Variants in KCNN2 observed in about 807,000 individuals in gnomAD.
KCNN2 encodes small conductance calcium-activated potassium channel protein 2.
A neutral mutation model predicts 55.5 loss-of-function variants in KCNN2; 24 were observed. That is an observed-to-expected ratio of 0.43 (90% CI 0.31 to 0.61). The LOEUF is 0.61. Among genes scored for constraint, KCNN2 ranks in the 20% least tolerant of loss-of-function variants. KCNN2 has a pLI of 0.08. For missense variants in KCNN2, 754 were observed against 853.6 expected, an observed-to-expected ratio of 0.88 and a Z score of 1.45; for synonymous variants, 431 against 336.1, an observed-to-expected ratio of 1.28 and a Z score of -3.09.
intron 2 of KCNN2, among the ~76,000 whole-genome samples, chr5:114,350,081 C>G (rs528381791): frequency 1.5e-4 from 23 of 151,690 alleles, no homozygotes; most frequent in Non-Finnish European, 2.7e-4. Context: ...GAGATTTTGC[C>G]TTTGGCTTAT....
intron 2 of KCNN2, among the ~76,000 whole-genome samples, chr5:114,276,853 T>G (rs1270315560): frequency 6.6e-6 from 1 of 152,102 alleles, no homozygotes; most frequent in Non-Finnish European, 1.5e-5. Flanking sequence ...TTAATATTGT[T>G]ATATGTGAAT....
At chr5:114,475,286 C>A (rs1761915473) in intron 5 of KCNN2, among the ~76,000 whole-genome samples, 1 of 151,458 alleles carries the variant, frequency 6.6e-6, no homozygotes, top group Non-Finnish European at 1.5e-5. Context: ...CTGAATAATT[C>A]TTTTTCATGT....
At chr5:114,108,444 G>A (rs529878653) in intron 1 of KCNN2, among the ~76,000 whole-genome samples, 1 of 151,866 alleles carries the variant, frequency 6.6e-6, no homozygotes, top group South Asian at 2.1e-4. Context: ...ATATAATTTG[G>A]TAAGTTTTGC....
chr5:114,101,753 A>T (rs1489223494), intron 1 of KCNN2, among the ~76,000 whole-genome samples: 1 of 152,128 alleles, frequency 6.6e-6, no homozygotes, highest in Non-Finnish European at 1.5e-5. Context: ...GTCCCTGAAG[A>T]AAACATGAAC....
intron 1 of KCNN2, among the ~76,000 whole-genome samples, chr5:114,221,340 A>G (rs950103986): frequency 6.6e-6 from 1 of 152,178 alleles, no homozygotes; most frequent in African/African-American, 2.4e-5. Flanking sequence ...TACTGACAAT[A>G]TATGCTAGGA....
Position 114,303,070 on chromosome 5 carries a change from A to G in KCNN2, c.-184-57875A>G, listed in dbSNP as rs1016143058. Among the ~76,000 whole-genome samples the G allele has an allele frequency of 5.9e-5, 9 of 152,346 alleles. No homozygotes were observed. In the East Asian group the frequency reaches 9.7e-4, roughly 16 times the overall value. ...AACATTTTGCCAGGAAGACAATTCA[A>G]TTTGGCATTCTGGCCATTGAGCAAG... On this transcript the variant is annotated intron_variant, in intron 2 of 10. Coordinates refer to the KCNN2 transcript ENST00000512097.
At chr5:114,216,225 CAAAGT>C (rs995992291) in intron 1 of KCNN2, among the ~76,000 whole-genome samples, 2 of 151,930 alleles carry the variant, frequency 1.3e-5, no homozygotes, top group African/African-American at 4.8e-5. Context: ...CAATGAAAAA[CAAAGT>C]AAATTATTTC....
rs1354205526 is a variant in KCNN2 at position 114,123,490 on chromosome 5, G to A, written c.-271+66990G>A. Among the ~76,000 whole-genome samples the A allele has an allele frequency of 2.6e-4, 30 of 116,070 alleles. 5 individuals are homozygous for A. 76.1% of individuals were successfully genotyped at this position (116,070 alleles called of 152,430 possible). On this transcript the variant is annotated intron_variant, in intron 1 of 10. Coordinates refer to the KCNN2 transcript ENST00000512097. ...CCATTCTCCTGTCTCAGCCTCCCGCGTAGCTGGGACTACAGGCGCCCGCCA... is the reference window on the plus strand; with the variant it reads ...CCATTCTCCTGTCTCAGCCTCCCGCATAGCTGGGACTACAGGCGCCCGCCA...
intron 2 of KCNN2, among the ~76,000 whole-genome samples, chr5:114,241,260 C>T (rs1044921239): frequency 6.6e-6 from 1 of 151,804 alleles, no homozygotes; most frequent in Non-Finnish European, 1.5e-5. Flanking sequence ...TTCCACTCAG[C>T]ATTTCAATAG....
chr5:114,147,534 T>A (rs1436371105), intron 1 of KCNN2, among the ~76,000 whole-genome samples: 1 of 152,126 alleles, frequency 6.6e-6, no homozygotes, highest in Non-Finnish European at 1.5e-5. Flanking sequence ...GGACAGTGGA[T>A]GAAAGGAAAA....
intron 1 of KCNN2, among the ~76,000 whole-genome samples, chr5:114,095,008 C>T (rs1371954132): frequency 6.6e-6 from 1 of 151,912 alleles, no homozygotes; most frequent in African/African-American, 2.4e-5. Context: ...TAAATATTGT[C>T]TTATTTTATA....
chr5:114,386,151 C>T (rs1299362400), intron 2 of KCNN2, among the ~76,000 whole-genome samples: 1 of 143,396 alleles, frequency 7.0e-6, no homozygotes, highest in Non-Finnish European at 1.5e-5. Flanking sequence ...CACTGCACTG[C>T]AGCCTGGGGT....
At chr5:114,447,601 C>CA (rs1199297268) in intron 3 of KCNN2, among the ~76,000 whole-genome samples, 1 of 152,162 alleles carries the variant, frequency 6.6e-6, no homozygotes, top group East Asian at 1.9e-4. Flanking sequence ...GCAAAACAGT[C>CA]AAAGTGCAGA....
chr5:114,260,991 C>T (rs143677776), intron 2 of KCNN2, among the ~76,000 whole-genome samples: 2 of 152,162 alleles, frequency 1.3e-5, no homozygotes, highest in African/African-American at 4.8e-5. Context: ...ACAACCACTG[C>T]AGTTCCCTGG....
chr5:114,471,578 A>G (rs148394587), intron 4 of KCNN2, among the ~76,000 whole-genome samples: 39 of 152,290 alleles, frequency 2.6e-4, no homozygotes, highest in African/African-American at 6.7e-4. Context: ...AAAAATATCA[A>G]TGCTAATCAA....
At chr5:114,415,571 T>A (rs1407371811) in intron 3 of KCNN2, among the ~76,000 whole-genome samples, 4 of 152,204 alleles carry the variant, frequency 2.6e-5, no homozygotes, top group Non-Finnish European at 5.9e-5. Flanking sequence ...TTATTTATAG[T>A]CTTATAACCA....
intron 2 of KCNN2, among the ~76,000 whole-genome samples, chr5:114,256,176 C>T (rs1754979395): frequency 6.6e-6 from 1 of 151,998 alleles, no homozygotes; most frequent in Non-Finnish European, 1.5e-5. Flanking sequence ...AAAGATGTGA[C>T]TTCGTTATTT....
At chr5:114,413,498 G>T (rs2150076130) in intron 3 of KCNN2, among the ~76,000 whole-genome samples, 1 of 152,284 alleles carries the variant, frequency 6.6e-6, no homozygotes, top group Admixed American at 6.5e-5. Context: ...ATGTTGGCCA[G>T]GCTGGTCTTG....
chr5:114,088,262 A>G (rs1447992972), intron 1 of KCNN2, among the ~76,000 whole-genome samples: 1 of 152,140 alleles, frequency 6.6e-6, no homozygotes, highest in East Asian at 1.9e-4. Context: ...TTGGTCTCCT[A>G]AAAGTAATAT....
Sources: allele counts gnomAD v4.1 joint callset (sites outside exome capture counted in the v4.1 genomes callset), GRCh38; gene constraint gnomAD v4.1.1; transcripts MANE v1.5; gene names NCBI Gene and HGNC (gene_info 2026-07-23, HGNC 2026-07-21).